The following COL6A5 variants were observed in gnomAD, a reference collection of about 807,000 sequenced individuals.
COL6A5 encodes collagen type VI alpha 5 chain.
A neutral mutation model predicts 65.6 loss-of-function variants in COL6A5; 48 were observed. The ratio of observed to expected loss-of-function variants is 0.73; its 90% confidence interval spans 0.58 to 0.93. COL6A5 has a LOEUF of 0.93. Ranked by LOEUF, COL6A5 falls within the 40% of genes least tolerant of loss-of-function variation. The pLI is 0.00. For missense variants in COL6A5, 914 were observed against 928.3 expected, an observed-to-expected ratio of 0.98 and a Z score of 0.20; for synonymous variants, 291 against 322.8, an observed-to-expected ratio of 0.90 and a Z score of 1.05.
At chr3:130,391,189 G>C (rs762148713) in exon 7 of COL6A5, 5 of 1,548,370 alleles carry the variant, frequency 3.2e-6, no homozygotes, top group South Asian at 2.4e-5. Flanking sequence ...ATTGTAAAAG[G>C]ATTACACTAC....
At chr3:130,403,537 C>A in intron 12 of COL6A5, 72 bp from the exon 13 acceptor site, 1 of 1,312,372 alleles carries the variant, frequency 7.6e-7, no homozygotes, top group South Asian at 1.3e-5. Flanking sequence ...GCTTAGAATG[C>A]CTAATGATTT....
chr3:130,393,856 G>A (rs1936494015), intron 7 of COL6A5, among the ~76,000 whole-genome samples: 1 of 152,188 alleles, frequency 6.6e-6, no homozygotes, highest in Non-Finnish European at 1.5e-5. Flanking sequence ...CATGACCTTT[G>A]GCAAGGCATC....
intron 1 of COL6A5, among the ~76,000 whole-genome samples, chr3:130,348,634 A>C (rs907630135): frequency 6.6e-6 from 1 of 152,194 alleles, no homozygotes; most frequent in African/African-American, 2.4e-5. Flanking sequence ...TTGGATATGT[A>C]CCCAGTAATG....
chr3:130,440,868 G>GCTTA, intron 3 of COL6A5, 43 bp downstream of exon 35: 1 of 1,439,604 alleles, frequency 6.9e-7, no homozygotes, highest in Non-Finnish European at 9.6e-7. Flanking sequence ...TAATAAGCTA[G>GCTTA]TGTTTGTTAA....
At chr3:130,454,010 TA>T (rs781485991) in intron 4 of COL6A5, among the ~76,000 whole-genome samples, 7 of 152,184 alleles carry the variant, frequency 4.6e-5, no homozygotes, top group Non-Finnish European at 8.8e-5. Flanking sequence ...TAAAGTCATT[TA>T]CAAGGAAAAC....
At chr3:130,412,620 G>T (rs989775417) in intron 20 of COL6A5, among the ~76,000 whole-genome samples, 2 of 152,158 alleles carry the variant, frequency 1.3e-5, no homozygotes, top group African/African-American at 2.4e-5. Context: ...TTTCTTCTCT[G>T]CTTTTTTATG....
chr3:130,414,162 A>C, intron 22 of COL6A5, 31 bp downstream of exon 22: 1 of 1,472,798 alleles, frequency 6.8e-7, no homozygotes, highest in Non-Finnish European at 9.3e-7. Flanking sequence ...AATATTGATA[A>C]ATGCTGTAAA....
At chr3:130,393,534 C>T (rs1936478742) in intron 7 of COL6A5, among the ~76,000 whole-genome samples, 1 of 152,204 alleles carries the variant, frequency 6.6e-6, no homozygotes, top group Non-Finnish European at 1.5e-5. Flanking sequence ...ATTACTAAGA[C>T]TACAGTCTTT....
intron 1 of COL6A5, among the ~76,000 whole-genome samples, chr3:130,363,657 T>G (rs960954734): frequency 6.6e-6 from 1 of 152,226 alleles, no homozygotes; most frequent in Non-Finnish European, 1.5e-5. Flanking sequence ...CCCCTCACCC[T>G]GCTGAATAAT....
At chr3:130,457,729 C>T (rs1191149624) in intron 5 of COL6A5, among the ~76,000 whole-genome samples, 3 of 152,076 alleles carry the variant, frequency 2.0e-5, no homozygotes, top group Non-Finnish European at 4.4e-5. Context: ...CTAGGAACTT[C>T]GTGCTATTCT....
At chr3:130,348,857 A>G (rs1240830475) in intron 1 of COL6A5, among the ~76,000 whole-genome samples, 1 of 152,006 alleles carries the variant, frequency 6.6e-6, no homozygotes, top group African/African-American at 2.4e-5. Context: ...TTTGATTTGC[A>G]TTTCTCTAAT....
chr3:130,472,783 TA>T (rs1016809502), intron 7 of COL6A5, among the ~76,000 whole-genome samples: 14 of 147,032 alleles, frequency 9.5e-5, no homozygotes, highest in Non-Finnish European at 1.5e-4. Context: ...AAATCCCATA[TA>T]GGGGCATATA....
chr3:130,395,548 C>T (rs1936568410), intron 8 of COL6A5, 83 bp downstream of exon 8: 5 of 992,800 alleles, frequency 5.0e-6, no homozygotes, highest in Middle Eastern at 2.1e-4. Flanking sequence ...CTAGCTCTAG[C>T]AGAGCATATA....
At chr3:130,435,161 G>A (rs143680261) in intron 1 of COL6A5, among the ~76,000 whole-genome samples, 2,293 of 152,026 alleles carry the variant, frequency 0.015, 61 homozygotes, top group African/African-American at 0.052. Context: ...TGCATATGGC[G>A]AGCCAGTTTT....
chr3:130,465,598 T>C (rs1256109795), intron 5 of COL6A5, among the ~76,000 whole-genome samples: 2 of 152,098 alleles, frequency 1.3e-5, no homozygotes, highest in African/African-American at 2.4e-5. Flanking sequence ...TCAGACTCTT[T>C]CCATGCAACT....
At chr3:130,349,187 C>T (rs1276042986) in intron 1 of COL6A5, among the ~76,000 whole-genome samples, 1 of 152,154 alleles carries the variant, frequency 6.6e-6, no homozygotes, top group Non-Finnish European at 1.5e-5. Context: ...CTCAAACGTT[C>T]TCTCTCAAGA....
chr3:130,358,081 C>T (rs963798222), intron 1 of COL6A5, among the ~76,000 whole-genome samples: 3 of 151,760 alleles, frequency 2.0e-5, no homozygotes, highest in African/African-American at 7.3e-5. Context: ...CCCAGCTACT[C>T]GGGAGGCTGA....
rs541676693 is a variant in COL6A5, at chr3:130,481,122, G to A, written c.2329-2913G>A. 5.3e-5 allele frequency among the ~76,000 whole-genome samples: 8 copies of A among 151,584 alleles called. No individual in the cohort carries two copies. In the South Asian group the frequency reaches 1.3e-3, roughly 24 times the overall value. On this transcript the variant is annotated intron_variant, in intron 7 of 7. Transcript: ENST00000512836. ...GCAGGTTTGTTACATAGGTATACAC[G>A]TGCCATGGTGGTTTGCCACACCCAT...
intron 1 of COL6A5, among the ~76,000 whole-genome samples, chr3:130,361,669 G>C (rs1200218244): frequency 6.6e-6 from 1 of 152,040 alleles, no homozygotes; most frequent in Non-Finnish European, 1.5e-5. Context: ...CAAAGTGGCT[G>C]TGCCATTTTG....
Sources: gnomAD v4.1 joint callset for allele counts (sites outside exome capture counted in the v4.1 genomes callset) on GRCh38, gnomAD v4.1.1 for gene constraint, MANE v1.5 for transcripts, NCBI Gene and HGNC (gene_info 2026-07-23, HGNC 2026-07-21) for gene names.